Variants in SLC23A2 observed in about 807,000 individuals in gnomAD.
SLC23A2 encodes Na(+)/L-ascorbic acid transporter 2.
SLC23A2 carries 36 observed loss-of-function variants against 73.3 expected under a neutral mutation model. The ratio of observed to expected loss-of-function variants is 0.49; its 90% confidence interval spans 0.38 to 0.65. The LOEUF (loss-of-function observed/expected upper bound fraction) is 0.65, where lower values mean the gene tolerates loss of function less well. Ranked by LOEUF, SLC23A2 falls within the 30% of genes least tolerant of loss-of-function variation. The probability of loss-of-function intolerance (pLI) is 0.00; values close to 1 mark genes in which losing one functional copy is unlikely to be tolerated. For missense variants in SLC23A2, 507 were observed against 841.6 expected (o/e 0.60, Z 4.92); for synonymous variants, 343 against 327.3 (o/e 1.05, Z -0.52).
chr20:4,920,040 C>T (rs1294926468), intron 3 of SLC23A2, among the ~76,000 whole-genome samples: 1 of 152,216 alleles, frequency 6.6e-6, no homozygotes, highest in Non-Finnish European at 1.5e-5. Context: ...ACGGGTGGAT[C>T]ACTTGAGGTC....
At position 4,950,407 on chromosome 20, in the gene SLC23A2, T is replaced by C. The variant is rs186413994; in HGVS notation, c.-154-17691A>G. ...AAGGTAGGAGTTCATCATTAAAAGGTAGGCAAAGCCAACAAGTAACTGTCA... is the reference window on the plus strand; with the variant it reads ...AAGGTAGGAGTTCATCATTAAAAGGCAGGCAAAGCCAACAAGTAACTGTCA... On this transcript the variant is annotated intron_variant, in intron 2 of 16. Transcript: ENST00000338244. 7.9e-5 allele frequency among the ~76,000 whole-genome samples: 12 copies of C among 152,290 alleles called. No individual in the cohort carries two copies. The East Asian group carries it at 2.3e-3, about 29-fold the overall frequency.
At chr20:4,919,478 T>C (rs945663706) in intron 3 of SLC23A2, among the ~76,000 whole-genome samples, 10 of 152,194 alleles carry the variant, frequency 6.6e-5, no homozygotes, top group African/African-American at 2.4e-4. Context: ...GAAGGAGCCT[T>C]ACCTCTCCCC....
intron 6 of SLC23A2, among the ~76,000 whole-genome samples, chr20:4,898,187 C>G (rs1055714026): frequency 3.3e-5 from 5 of 152,350 alleles, no homozygotes; most frequent in Admixed American, 2.6e-4. Context: ...GGAGACCCTC[C>G]TCCCTTCAGC....
In SLC23A2 at chr20:4,865,829, T is replaced by TA. The variant is rs201774228; in HGVS notation, c.1356+1940_1356+1941insT. On this transcript the variant is annotated intron_variant, in intron 13 of 16. Coordinates refer to ENST00000338244, the MANE Select transcript of SLC23A2 (RefSeq NM_005116.6). The stretch of plus-strand genomic sequence containing the variant: ...CAATATACTTTATTTTATTTATATA[T>TA]TTTTTTTTATTTTTTATTTTGGAGT... Among the ~76,000 whole-genome samples, 604 of 150,324 alleles carry TA rather than the reference T, an allele frequency of 4.0e-3. 5 individuals carry two copies. Among genetic ancestry groups the TA allele is most frequent in the African/African-American group, 0.013 (553 of 41,250 alleles).
At position 4,988,690 on chromosome 20, in the gene SLC23A2, C is replaced by T. The variant is rs548599266; in HGVS notation, c.-282+12716G>A. Among the ~76,000 whole-genome samples the T allele has an allele frequency of 4.6e-4, 68 of 149,370 alleles. 1 individual carries two copies. In the South Asian group the frequency reaches 0.011, roughly 25 times the overall value. ...GATGGAGGTTGTGGTGAGCTGAGAT[C>T]GCGCCCCTGCACTCCAGCCTAGCGA... On this transcript the variant is annotated intron_variant, in intron 1 of 16. Coordinates refer to ENST00000338244, the MANE Select transcript of SLC23A2 (RefSeq NM_005116.6).
In SLC23A2 at chr20:4,930,816, C is replaced by CAA. The variant is rs553480522; in HGVS notation, c.108+1637_108+1638dup. Among the ~76,000 whole-genome samples the CAA allele has an allele frequency of 6.3e-3, 910 of 144,346 alleles. 11 individuals are homozygous for CAA. Among genetic ancestry groups the CAA allele is most frequent in the African/African-American group, 0.021 (826 of 39,496 alleles). 94.7% of individuals were successfully genotyped at this position (144,346 alleles called of 152,430 possible). On this transcript the variant is annotated intron_variant, in intron 3 of 16. Transcript: ENST00000338244. ...CATGGGTGACAGAGCAAGACGGTCT[C>CAA]AAAAAAAAAAGATGCCATGTTCAAG...
intron 2 of SLC23A2, among the ~76,000 whole-genome samples, chr20:4,946,775 T>C (rs1039425310): frequency 6.6e-6 from 1 of 152,152 alleles, no homozygotes; most frequent in Non-Finnish European, 1.5e-5. Flanking sequence ...CGATAACTCA[T>C]TTGCCTGCTT....
At chr20:4,987,799 TCA>T (rs1271761316) in intron 1 of SLC23A2, among the ~76,000 whole-genome samples, 6 of 149,922 alleles carry the variant, frequency 4.0e-5, no homozygotes, top group African/African-American at 1.5e-4. Context: ...AGTGAGCCGA[TCA>T]CGCCACTGTG....
intron 2 of SLC23A2, among the ~76,000 whole-genome samples, chr20:4,952,103 CAAAAAAAA>C (rs57832305): frequency 0.019 from 776 of 40,548 alleles, 12 homozygotes; most frequent in African/African-American, 0.053. Flanking sequence ...GACTCTGACT[CAAAAAAAA>C]AAAAAAAAAA....
chr20:4,912,760 G>C, intron 4 of SLC23A2, 120 bp downstream of exon 4: 1 of 707,740 alleles, frequency 1.4e-6, no homozygotes, highest in African/African-American at 1.7e-5. Context: ...GGGAGTCAGA[G>C]ACCAAGCCCC....
upstream of SLC23A2, among the ~76,000 whole-genome samples, chr20:5,004,311 C>G (rs577720953): frequency 4.6e-5 from 7 of 152,292 alleles, no homozygotes; most frequent in South Asian, 1.0e-3. Flanking sequence ...TGCCCCATAG[C>G]CTACATGTCC....
intron 11 of SLC23A2, among the ~76,000 whole-genome samples, chr20:4,873,557 A>T (rs1488051216): frequency 1.3e-5 from 2 of 152,200 alleles, no homozygotes; most frequent in Non-Finnish European, 2.9e-5. Context: ...GCTAATCCCC[A>T]GGCTGTTCCC....
At chr20:4,986,949 C>T (rs1401488865) in intron 1 of SLC23A2, among the ~76,000 whole-genome samples, 2 of 152,080 alleles carry the variant, frequency 1.3e-5, no homozygotes, top group Non-Finnish European at 2.9e-5. Flanking sequence ...ATCCACCTCT[C>T]AGGGTTCAGA....
At chr20:4,965,164 G>A (rs188395475) in intron 2 of SLC23A2, among the ~76,000 whole-genome samples, 9 of 152,234 alleles carry the variant, frequency 5.9e-5, no homozygotes, top group Admixed American at 2.6e-4. Flanking sequence ...TGCTCCCGGA[G>A]AGAGCGCTGG....
chr20:4,941,663 C>T (rs893937984), intron 2 of SLC23A2, among the ~76,000 whole-genome samples: 16 of 150,394 alleles, frequency 1.1e-4, no homozygotes, highest in East Asian at 5.8e-4. Flanking sequence ...GATCCCACCA[C>T]GGCACTCCAG....
chr20:4,924,147 C>T (rs979596832), intron 3 of SLC23A2, among the ~76,000 whole-genome samples: 1 of 152,104 alleles, frequency 6.6e-6, no homozygotes, highest in African/African-American at 2.4e-5. Flanking sequence ...CTAGGCACAC[C>T]CATCAGGACA....
intron 12 of SLC23A2, 129 bp downstream of exon 12, chr20:4,869,777 C>T (rs1805851228): frequency 4.1e-6 from 3 of 730,578 alleles, no homozygotes; most frequent in Admixed American, 2.9e-5. Context: ...ATCAAACAGT[C>T]GCTAGAGTCC....
intron 2 of SLC23A2, among the ~76,000 whole-genome samples, chr20:4,957,917 A>C (rs1279799043): frequency 3.9e-5 from 6 of 151,966 alleles, no homozygotes; most frequent in South Asian, 4.1e-4. Flanking sequence ...AAAAAAAAAA[A>C]ACTTATTAAA....
chr20:4,967,668 C>T (rs963241454), intron 2 of SLC23A2, among the ~76,000 whole-genome samples: 9 of 152,180 alleles, frequency 5.9e-5, no homozygotes, highest in Non-Finnish European at 1.2e-4. Context: ...ACCAAAAACA[C>T]CAGGATTTCC....
Sources: allele counts gnomAD v4.1 joint callset (sites outside exome capture counted in the v4.1 genomes callset), GRCh38; gene constraint gnomAD v4.1.1; transcripts MANE v1.5; gene names NCBI Gene and HGNC (gene_info 2026-07-23, HGNC 2026-07-21).